Variants in RBFOX1 observed in about 807,000 individuals in gnomAD.
The protein encoded by RBFOX1 is RNA binding fox-1 homolog 1, also known as RNA binding protein fox-1 homolog 1.
Under a neutral mutation model 57.7 loss-of-function variants are expected in RBFOX1, and 8 were observed. The observed-to-expected ratio is 0.14, with a 90% CI of 0.08 to 0.25. The LOEUF is 0.25. RBFOX1 is among the 10% of genes least tolerant of loss of function. RBFOX1 has a pLI of 1.00. For synonymous variants in RBFOX1, 326 were observed against 222.4 expected, an observed-to-expected ratio of 1.47 and a Z score of -4.15; for missense variants, 611 against 548.5, an observed-to-expected ratio of 1.11 and a Z score of -1.14.
chr16:6,910,693 G>T (rs1301224602), intron 3 of RBFOX1, among the ~76,000 whole-genome samples: 2 of 152,176 alleles, frequency 1.3e-5, no homozygotes, highest in African/African-American at 2.4e-5. Flanking sequence ...CAGCTTCAAA[G>T]CCAGCAGTGT....
At chr16:6,392,762 T>G (rs2092662744) in intron 2 of RBFOX1, among the ~76,000 whole-genome samples, 1 of 152,194 alleles carries the variant, frequency 6.6e-6, no homozygotes, top group South Asian at 2.1e-4. Context: ...CCTCCTTCCT[T>G]TGCAGGAATT....
chr16:7,249,144 C>G (rs1455974703), intron 4 of RBFOX1, among the ~76,000 whole-genome samples: 1 of 152,192 alleles, frequency 6.6e-6, no homozygotes, highest in South Asian at 2.1e-4. Flanking sequence ...CTGAAAGGAA[C>G]AGAAAGCTGG....
intron 2 of RBFOX1, among the ~76,000 whole-genome samples, chr16:5,584,677 G>A (rs931058772): frequency 1.3e-5 from 2 of 152,170 alleles, no homozygotes; most frequent in Non-Finnish European, 2.9e-5. Context: ...ACACAGATGG[G>A]AGAGGAGGGC....
chr16:6,173,604 C>CTTTTTTTTTTTTTTTTTTT (rs35528338), intron 1 of RBFOX1, among the ~76,000 whole-genome samples: 4 of 70,948 alleles, frequency 5.6e-5, no homozygotes, highest in Non-Finnish European at 7.3e-5. Context: ...TGACCACTCC[C>CTTTTTTTTTTTTTTTTTTT]TTTTTTTTTT....
intron 2 of RBFOX1, among the ~76,000 whole-genome samples, chr16:6,387,861 C>G (rs1235374653): frequency 6.6e-6 from 1 of 151,760 alleles, no homozygotes; most frequent in Non-Finnish European, 1.5e-5. Flanking sequence ...CTACAGGGAA[C>G]AAGTGTGTGG....
intron 1 of RBFOX1, among the ~76,000 whole-genome samples, chr16:6,206,254 G>C (rs2097254732): frequency 6.6e-6 from 1 of 152,064 alleles, no homozygotes; most frequent in Non-Finnish European, 1.5e-5. Flanking sequence ...CCCGCTGCCA[G>C]GACGTTGTGT....
intron 5 of RBFOX1, among the ~76,000 whole-genome samples, chr16:7,567,702 TATA>T (rs2092218285): frequency 1.5e-5 from 2 of 137,494 alleles, no homozygotes; most frequent in South Asian, 2.3e-4. Flanking sequence ...TATCCCTATA[TATA>T]ATCCCTATAT....
At chr16:6,465,239 A>C (rs939835795) in intron 2 of RBFOX1, among the ~76,000 whole-genome samples, 5 of 152,182 alleles carry the variant, frequency 3.3e-5, no homozygotes, top group African/African-American at 7.2e-5. Context: ...ATTTGGAAAA[A>C]GAAAGTGGTG....
rs574598728 is a variant in RBFOX1, at chr16:6,238,838, A to C, written c.-126-78157A>C. Among the ~76,000 whole-genome samples the C allele has an allele frequency of 2.0e-5, 3 of 152,300 alleles. No homozygotes were observed. In the South Asian group the frequency reaches 6.2e-4, roughly 32 times the overall value. On this transcript the variant is annotated intron_variant, in intron 1 of 15. Coordinates refer to ENST00000550418, the MANE Select transcript of RBFOX1 (RefSeq NM_018723.4). Reference sequence around the variant, plus strand: ...TTTTGATATAGACGTGCAATGTGAAATAATTTTATCACGGAGAATGTGGTC... The same window carrying C: ...TTTTGATATAGACGTGCAATGTGAACTAATTTTATCACGGAGAATGTGGTC...
chr16:7,001,944 G>C (rs1357376788), intron 3 of RBFOX1, among the ~76,000 whole-genome samples: 1 of 151,940 alleles, frequency 6.6e-6, no homozygotes, highest in Non-Finnish European at 1.5e-5. Context: ...TTTTTCTCCT[G>C]GAGTTTCTTC....
At chr16:7,588,447 A>C (rs910296333) in intron 7 of RBFOX1, among the ~76,000 whole-genome samples, 3 of 152,236 alleles carry the variant, frequency 2.0e-5, no homozygotes, top group Non-Finnish European at 4.4e-5. Flanking sequence ...CAGGGGGTTA[A>C]CAGGGAGAAT....
chr16:7,628,771 C>G (rs1479799623), intron 10 of RBFOX1, among the ~76,000 whole-genome samples: 3 of 152,034 alleles, frequency 2.0e-5, no homozygotes, highest in Non-Finnish European at 4.4e-5. Context: ...TGCCACCACA[C>G]CCAGCTAATT....
chr16:5,645,870 A>T (rs1245318916), intron 3 of RBFOX1, among the ~76,000 whole-genome samples: 1 of 152,058 alleles, frequency 6.6e-6, no homozygotes, highest in South Asian at 2.1e-4. Flanking sequence ...GGGTCTTGCT[A>T]TGTTGTTATG....
intron 3 of RBFOX1, among the ~76,000 whole-genome samples, chr16:6,979,609 T>A (rs1281173364): frequency 6.6e-6 from 1 of 152,174 alleles, no homozygotes; most frequent in African/African-American, 2.4e-5. Flanking sequence ...GACTCTTTCA[T>A]TCACAGTTTG....
At chr16:7,430,684 C>G (rs1447414954) in intron 4 of RBFOX1, among the ~76,000 whole-genome samples, 1 of 150,756 alleles carries the variant, frequency 6.6e-6, no homozygotes, top group Non-Finnish European at 1.5e-5. Context: ...AAGTACCCAC[C>G]CATTCTGTGT....
chr16:5,471,956 G>A lies in RBFOX1; in HGVS notation c.258+4702G>A, dbSNP rs114677015. Among the ~76,000 whole-genome samples the A allele has an allele frequency of 5.3e-3, 808 of 152,202 alleles. 7 individuals are homozygous for A. The highest frequency in any genetic ancestry group is 0.018 in the African/African-American group (740 of 41,524). ...AAGTGTGTTTTTGGCTGGAGTGTGG[G>A]TCCTTGTGTCACCTCCCCGACAGAT... is the stretch of plus-strand genomic sequence containing the variant. On this transcript the variant is annotated intron_variant, in intron 2 of 2. Coordinates refer to the RBFOX1 transcript ENST00000585867.
At chr16:7,589,401 C>G (rs1279256186) in intron 7 of RBFOX1, among the ~76,000 whole-genome samples, 3 of 152,168 alleles carry the variant, frequency 2.0e-5, no homozygotes, top group Non-Finnish European at 2.9e-5. Context: ...TTTAAGACAT[C>G]TTCCGTCATT....
At chr16:6,413,004 A>C (rs1490573825) in intron 2 of RBFOX1, among the ~76,000 whole-genome samples, 1 of 152,180 alleles carries the variant, frequency 6.6e-6, no homozygotes, top group African/African-American at 2.4e-5. Flanking sequence ...AAAAATTACA[A>C]CACCAGGCTC....
In RBFOX1 at chr16:6,999,118, C is replaced by T. The variant is rs1341254675; in HGVS notation, c.-15-52939C>T. Among the ~76,000 whole-genome samples, 4 of 151,716 alleles carry T rather than the reference C, an allele frequency of 2.6e-5. No individual in the cohort carries two copies. In the South Asian group the frequency reaches 8.3e-4, roughly 32 times the overall value. On this transcript the variant is annotated intron_variant, in intron 3 of 15. Transcript: ENST00000550418. ...TCCTGACTTCAGGTGATCCGCCCGC[C>T]TCTGCCTCCCAAAGTACAGGGATTA...
Sources: allele counts gnomAD v4.1 joint callset (sites outside exome capture counted in the v4.1 genomes callset), GRCh38; gene constraint gnomAD v4.1.1; transcripts MANE v1.5; gene names NCBI Gene and HGNC (gene_info 2026-07-23, HGNC 2026-07-21).